Variants in DNAAF9 observed in about 807,000 individuals in gnomAD.
The protein encoded by DNAAF9 is shulin.
A neutral mutation model predicts 167.0 loss-of-function variants in DNAAF9; 90 were observed. That is an observed-to-expected ratio of 0.54 (90% CI 0.45 to 0.64). The LOEUF (loss-of-function observed/expected upper bound fraction) is 0.64, where lower values mean the gene tolerates loss of function less well. Ranked by LOEUF, DNAAF9 falls within the 30% of genes least tolerant of loss-of-function variation. The pLI is 0.00. For missense variants in DNAAF9, 1,315 were observed against 1,442.2 expected, an observed-to-expected ratio of 0.91 and a Z score of 1.43; for synonymous variants, 491 against 508.8, an observed-to-expected ratio of 0.96 and a Z score of 0.47.
intron 1 of DNAAF9, among the ~76,000 whole-genome samples, chr20:3,407,023 G>C (rs1391713466): frequency 1.3e-5 from 2 of 152,130 alleles, no homozygotes; most frequent in African/African-American, 2.4e-5. Context: ...GGGAGCTATT[G>C]TGTGTGTGGA....
intron 1 of DNAAF9, among the ~76,000 whole-genome samples, chr20:3,389,064 G>T (rs1298193160): frequency 6.6e-6 from 1 of 152,146 alleles, no homozygotes; most frequent in Non-Finnish European, 1.5e-5. Context: ...TGCCTCCTGG[G>T]CTCAAGTGAT....
intron 6 of DNAAF9, among the ~76,000 whole-genome samples, chr20:3,368,741 ATC>A (rs1278764130): frequency 6.6e-6 from 1 of 151,750 alleles, no homozygotes; most frequent in Admixed American, 6.6e-5. Context: ...GATGGTCTCG[ATC>A]TCCTGACCTC....
chr20:3,280,847 C>G (rs942685410), intron 28 of DNAAF9, among the ~76,000 whole-genome samples: 2 of 152,028 alleles, frequency 1.3e-5, no homozygotes, highest in East Asian at 3.9e-4. Flanking sequence ...CTCCGGGGCT[C>G]AAGCATCCTC....
chr20:3,289,191 T>C (rs2068905575), intron 26 of DNAAF9, among the ~76,000 whole-genome samples: 1 of 152,210 alleles, frequency 6.6e-6, no homozygotes, highest in African/African-American at 2.4e-5. Flanking sequence ...TAAAAGCTTT[T>C]TTAAAAATTA....
At position 3,376,234 on chromosome 20, in the gene DNAAF9, A is replaced by G. The variant is rs191668883; in HGVS notation, c.352T>C (p.Leu118=). 2.4e-5 allele frequency: 38 copies of G among 1,612,884 alleles called. No individual in the cohort carries two copies. The highest frequency in any genetic ancestry group is 3.1e-5 in the Non-Finnish European group (37 of 1,178,892). The part of the protein sequence containing the change: ...YCNPVNFRYL[L]PYVAHWRNLH... The stretch of plus-strand genomic sequence containing the variant: ...TTTCTCCAATGTGCCACATAAGGTA[A>G]GAGATAGCGAAAGTTTACAGGATTA... Residue 118 remains leucine, a synonymous_variant, in exon 4 of 37, where the codon TTA becomes CTA. Transcript: ENST00000252032.
intron 26 of DNAAF9, 46 bp downstream of exon 26, chr20:3,290,083 A>G (rs769970638): frequency 1.7e-5 from 22 of 1,266,988 alleles, no homozygotes; most frequent in Non-Finnish European, 2.5e-5. Context: ...AGGCAGGCCC[A>G]AGTTAGAATC....
At chr20:3,347,120 A>AG (rs946209456) in intron 8 of DNAAF9, among the ~76,000 whole-genome samples, 8 of 152,050 alleles carry the variant, frequency 5.3e-5, no homozygotes, top group South Asian at 4.2e-4. Flanking sequence ...AAGCTGCCAG[A>AG]GGGGGAAAAA....
intron 29 of DNAAF9, among the ~76,000 whole-genome samples, 194 bp downstream of exon 29, chr20:3,278,718 C>T (rs1199047793): frequency 6.6e-6 from 1 of 151,014 alleles, no homozygotes; most frequent in Non-Finnish European, 1.5e-5. Context: ...GACTCCGTCT[C>T]AAAAAAAAGA....
chr20:3,353,533 T>C (rs1239193574), intron 7 of DNAAF9, among the ~76,000 whole-genome samples: 1 of 150,646 alleles, frequency 6.6e-6, no homozygotes, highest in Non-Finnish European at 1.5e-5. Context: ...GAAGCTGAGG[T>C]GGGAGAACCA....
chr20:3,307,604 T>C (rs1419891960), intron 20 of DNAAF9, among the ~76,000 whole-genome samples: 1 of 152,048 alleles, frequency 6.6e-6, no homozygotes, highest in African/African-American at 2.4e-5. Context: ...GTGTCCTTAG[T>C]GGATGAACTC....
At chr20:3,379,109 G>A (rs1171090005) in intron 3 of DNAAF9, among the ~76,000 whole-genome samples, 1 of 151,866 alleles carries the variant, frequency 6.6e-6, no homozygotes, top group Non-Finnish European at 1.5e-5. Context: ...GGCTTCTGGT[G>A]TGTATTATAC....
At chr20:3,372,630 T>C (rs1449533659) in intron 6 of DNAAF9, among the ~76,000 whole-genome samples, 1 of 152,228 alleles carries the variant, frequency 6.6e-6, no homozygotes, top group African/African-American at 2.4e-5. Context: ...GGCCTCCCAG[T>C]GCACTTCTTC....
At chr20:3,338,431 GAATA>G (rs1401727072) in intron 10 of DNAAF9, among the ~76,000 whole-genome samples, 1 of 152,030 alleles carries the variant, frequency 6.6e-6, no homozygotes, top group Non-Finnish European at 1.5e-5. Context: ...TCTGAAGTTT[GAATA>G]GGATAGGCCT....
intron 6 of DNAAF9, among the ~76,000 whole-genome samples, chr20:3,361,279 G>T (rs1435665878): frequency 6.6e-6 from 1 of 152,128 alleles, no homozygotes; most frequent in Non-Finnish European, 1.5e-5. Context: ...GAGTGGAAGG[G>T]TTACAATCTA....
At position 3,341,590 on chromosome 20, in the gene DNAAF9, C is replaced by T. The variant is rs796876489; in HGVS notation, c.846-951G>A. On this transcript the variant is annotated intron_variant, in intron 9 of 36. Coordinates refer to ENST00000252032, the MANE Select transcript of DNAAF9 (RefSeq NM_001009984.3). ...AGGCCTCCTTGACTTCTGCTTCCTC[C>T]GCCTTCAAATCTAATTAACCTTCTC... Among the ~76,000 whole-genome samples, 15 of 152,228 alleles carry T rather than the reference C, an allele frequency of 9.9e-5. 1 individual carries two copies. The highest frequency in any genetic ancestry group is 3.1e-4 in the African/African-American group (13 of 41,554).
rs1181735740 is a variant in DNAAF9 at position 3,287,790 on chromosome 20, T to A, written c.2328A>T (p.Arg776Ser). Residue 776 changes from arginine to serine, a missense_variant and splice_region_variant, in exon 27 of 37, where the codon AGA (arginine) becomes AGT (serine). This residue lies in a region of DNAAF9 where 981 missense variants were observed against 1,012.5 expected (regional missense o/e 0.97). Coordinates refer to ENST00000252032, the MANE Select transcript of DNAAF9 (RefSeq NM_001009984.3). The part of the protein sequence containing the change: ...FLVTLHKECG[R>S]WMVYRQIMDS... ...CCATGATTTGGCGATACACCATCCA[T>A]CTGGAAAGGTAAAAGGTAACCTCTG... 6.2e-7 allele frequency: 1 copy of A among 1,614,030 alleles called. No homozygotes were observed. The highest frequency in any genetic ancestry group is 1.3e-5 in the African/African-American group (1 of 74,934).
chr20:3,290,977 C>T (rs909457446), intron 25 of DNAAF9, among the ~76,000 whole-genome samples: 5 of 152,000 alleles, frequency 3.3e-5, no homozygotes, highest in South Asian at 2.1e-4. Context: ...TTAGTAGACA[C>T]GGGGTTTCAC....
chr20:3,360,556 T>C (rs2083348349), intron 6 of DNAAF9, among the ~76,000 whole-genome samples: 1 of 152,218 alleles, frequency 6.6e-6, no homozygotes, highest in African/African-American at 2.4e-5. Flanking sequence ...TTAGTGGTCC[T>C]GAACAGAAAG....
chr20:3,401,868 TC>T (rs60186259), intron 1 of DNAAF9, among the ~76,000 whole-genome samples: 152,204 of 152,204 alleles, frequency 1, 76,102 homozygotes, highest in Non-Finnish European at 1. Flanking sequence ...TGGGGAGGGC[TC>T]CCCCGCCCCC....
Sources: allele counts gnomAD v4.1 joint callset (sites outside exome capture counted in the v4.1 genomes callset), GRCh38; gene constraint gnomAD v4.1.1; regional missense constraint gnomAD v4.1.1; transcripts MANE v1.5; gene names NCBI Gene and HGNC (gene_info 2026-07-23, HGNC 2026-07-21).